The following EXT2 variants were observed in gnomAD, a reference collection of about 807,000 sequenced individuals.
EXT2 encodes the protein exostosin-2.
In EXT2, 53 loss-of-function variants were observed where a neutral mutation model predicts 81.6. The observed-to-expected ratio is 0.65, with a 90% CI of 0.52 to 0.82. The LOEUF is 0.82. Among genes scored for constraint, EXT2 ranks in the 40% least tolerant of loss-of-function variants. The pLI is 0.00. For missense variants in EXT2, 774 were observed against 910.2 expected (o/e 0.85, Z 1.93); for synonymous variants, 320 against 340.0 (o/e 0.94, Z 0.65).
chr11:44,123,541 C>T lies in EXT2; in HGVS notation c.744-1248C>T, dbSNP rs1954349884. ...CCTAAACAGGTTGAGTATCCCTTAT[C>T]CAAAATGCTCAGGACCAGAAGTGTT... On this transcript the variant is annotated intron_variant, in intron 4 of 13. Transcript: ENST00000533608. Among the ~76,000 whole-genome samples, 4 of 152,166 alleles carry T rather than the reference C, an allele frequency of 2.6e-5. No individual in the cohort carries two copies. In the South Asian group the frequency reaches 8.3e-4, roughly 32 times the overall value.
intron 10 of EXT2, among the ~76,000 whole-genome samples, chr11:44,219,078 G>A (rs1955753393): frequency 6.6e-6 from 1 of 151,982 alleles, no homozygotes; most frequent in Non-Finnish European, 1.5e-5. Flanking sequence ...TGGGCCTACA[G>A]GTGTGAGCCA....
At chr11:44,098,552 G>A (rs1010786834) in intron 1 of EXT2, among the ~76,000 whole-genome samples, 7 of 151,964 alleles carry the variant, frequency 4.6e-5, no homozygotes, top group African/African-American at 1.7e-4. Context: ...AAAATTAGCC[G>A]GGGATGGTGG....
At chr11:44,189,673 T>C (rs1955365951) in intron 8 of EXT2, among the ~76,000 whole-genome samples, 1 of 152,208 alleles carries the variant, frequency 6.6e-6, no homozygotes, top group Non-Finnish European at 1.5e-5. Context: ...TTCATTTATA[T>C]CCCACCAGGC....
At position 44,171,737 on chromosome 11, in the gene EXT2, G is replaced by T. The variant is rs774778017; in HGVS notation, c.1300G>T (p.Ala434Ser). ...ISYEEWNDPP[A>S]VKWGSVSNPL... is the part of the protein sequence containing the mutation. ...CTATGAAGAATGGAATGACCCTCCT[G>T]CTGTGGTAAGTGAATTCCAGTGCTA... Residue 434 changes from alanine (A) to serine (S), a missense_variant, in exon 8 of 14, where the codon GCT (alanine) becomes TCT (serine). Physicochemically the swap from Ala to Ser is moderately conservative, Grantham distance 99 (BLOSUM62 1). Coordinates refer to ENST00000533608, the MANE Select transcript of EXT2 (RefSeq NM_207122.2). The T allele has an allele frequency of 1.9e-6, 3 of 1,613,894 alleles. No homozygotes were observed. The highest frequency in any genetic ancestry group is 1.7e-6 in the Non-Finnish European group (2 of 1,179,878).
chr11:44,224,085 G>A (rs967802705), intron 10 of EXT2, among the ~76,000 whole-genome samples: 2 of 152,152 alleles, frequency 1.3e-5, no homozygotes, highest in African/African-American at 4.8e-5. Context: ...GGGAAACTGG[G>A]TAAAGCGTAT....
At chr11:44,209,912 C>T (rs1590649802) in intron 10 of EXT2, among the ~76,000 whole-genome samples, 1 of 152,246 alleles carries the variant, frequency 6.6e-6, no homozygotes, top group Non-Finnish European at 1.5e-5. Flanking sequence ...GCTATGCCCT[C>T]TGTGCCTAAC....
chr11:44,100,490 C>T (rs1345965924), intron 1 of EXT2, among the ~76,000 whole-genome samples: 1 of 152,186 alleles, frequency 6.6e-6, no homozygotes, highest in African/African-American at 2.4e-5. Flanking sequence ...AGTATGGTAG[C>T]TCTAGCACTT....
intron 10 of EXT2, among the ~76,000 whole-genome samples, chr11:44,216,405 G>A (rs113840988): frequency 4.5e-4 from 69 of 152,292 alleles, no homozygotes; most frequent in African/African-American, 1.5e-3. Flanking sequence ...ACTTTCTTGC[G>A]GAACACAGAG....
chr11:44,108,176 C>G lies in EXT2; in HGVS notation c.464C>G (p.Pro155Arg). 1 of 1,613,988 alleles carries G rather than the reference C, an allele frequency of 6.2e-7. No individual in the cohort carries two copies. ...ATCAACCGGGCCTGTCTGTTTGTTC[C>G]CTCCATCGATGTGCTTAACCAGAAC... Reference protein sequence around the residue: ...DDINRACLFVPSIDVLNQNTL... With the variant: ...DDINRACLFVRSIDVLNQNTL... The change falls in exon 2 of 14, where the codon CCC becomes CGC. Residue 155 changes from proline to arginine, a missense_variant. By Grantham distance (103) the Pro-to-Arg change is moderately radical (BLOSUM62 -2). Transcript: ENST00000533608.
At chr11:44,127,355 A>G (rs568613895) in intron 6 of EXT2, among the ~76,000 whole-genome samples, 1 of 152,314 alleles carries the variant, frequency 6.6e-6, no homozygotes, top group East Asian at 1.9e-4. Context: ...GCACAGCAGG[A>G]GGTGACCAGC....
At chr11:44,162,530 C>T (rs1281391601) in intron 7 of EXT2, among the ~76,000 whole-genome samples, 2 of 148,618 alleles carry the variant, frequency 1.3e-5, no homozygotes, top group African/African-American at 2.5e-5. Context: ...GAGCCGAGAT[C>T]GCACCACTGC....
intron 8 of EXT2, among the ~76,000 whole-genome samples, chr11:44,185,236 A>C (rs1955294486): frequency 1.3e-5 from 2 of 152,222 alleles, no homozygotes; most frequent in Admixed American, 1.3e-4. Flanking sequence ...AACCCCTGCA[A>C]CAAGCTTGGC....
intron 5 of EXT2, 84 bp downstream of exon 5, chr11:44,125,068 T>C (rs1954381065): frequency 6.7e-6 from 9 of 1,351,886 alleles, no homozygotes; most frequent in Non-Finnish European, 9.4e-6. Flanking sequence ...ACCTGAGTTG[T>C]TTTCAGCATG....
rs146727310 is a variant in EXT2, at chr11:44,174,410, T to TTATA, written c.1305+2682_1305+2685dup. Among the ~76,000 whole-genome samples, 54 of 149,444 alleles carry TTATA rather than the reference T, an allele frequency of 3.6e-4. 1 individual carries two copies. Among genetic ancestry groups the TTATA allele is most frequent in the African/African-American group, 1.2e-3 (51 of 40,964 alleles). Reference sequence around the variant, plus strand: ...TTGTCTTTCTGGTAGAATTTACATTTTATATATATATATATATTTGTGTAC... The same window carrying TTATA: ...TTGTCTTTCTGGTAGAATTTACATTTTATATATATATATATATATATTTGTGTAC... On this transcript the variant is annotated intron_variant, in intron 8 of 13. Transcript: ENST00000533608.
chr11:44,147,564 T>C (rs942780699), intron 7 of EXT2, among the ~76,000 whole-genome samples: 1 of 123,622 alleles, frequency 8.1e-6, no homozygotes, highest in Admixed American at 7.9e-5. Flanking sequence ...CCTGGTTTTT[T>C]GTTGTTGTTG....
chr11:44,234,914 G>T (rs1250350124), intron 12 of EXT2, among the ~76,000 whole-genome samples: 3 of 152,170 alleles, frequency 2.0e-5, no homozygotes, highest in Non-Finnish European at 1.5e-5. Flanking sequence ...AATTTTGTGT[G>T]TTAAAATGGG....
In EXT2 at chr11:44,109,179, T is replaced by G. The variant is rs753768125; in HGVS notation, c.537-15T>G. The stretch of plus-strand genomic sequence containing the variant: ...TTGACACATTAATTCTCCTACATTT[T>G]AAATTTCTTGACAGGTGGGATCGAG... On this transcript the variant is annotated splice_polypyrimidine_tract_variant and intron_variant, in intron 2 of 13. Transcript: ENST00000533608. 6 of 1,613,580 alleles carry G rather than the reference T, an allele frequency of 3.7e-6. No individual in the cohort carries two copies. The East Asian group carries it at 1.3e-4, about 36-fold the overall frequency.
chr11:44,192,491 G>A (rs1022791144), intron 8 of EXT2, among the ~76,000 whole-genome samples: 3 of 152,136 alleles, frequency 2.0e-5, no homozygotes, highest in Non-Finnish European at 2.9e-5. Flanking sequence ...GAATGAATGA[G>A]TACCAGAAAT....
chr11:44,147,685 C>T (rs976391623), intron 7 of EXT2, among the ~76,000 whole-genome samples: 1 of 151,490 alleles, frequency 6.6e-6, no homozygotes, highest in Non-Finnish European at 1.5e-5. Flanking sequence ...CTCAGCCTCC[C>T]GTGTAGCTGG....
Sources: gnomAD v4.1 joint callset for allele counts (sites outside exome capture counted in the v4.1 genomes callset) on GRCh38, gnomAD v4.1.1 for gene constraint, MANE v1.5 for transcripts, NCBI Gene and HGNC (gene_info 2026-07-23, HGNC 2026-07-21) for gene names.